Variants in CSNK1G1 observed in about 807,000 individuals in gnomAD.
CSNK1G1 encodes the protein casein kinase 1 gamma 1.
In CSNK1G1, 22 loss-of-function variants were observed where a neutral mutation model predicts 59.6. The ratio of observed to expected loss-of-function variants is 0.37; its 90% CI spans 0.26 to 0.53. The LOEUF (loss-of-function observed/expected upper bound fraction) is 0.53. CSNK1G1 is among the 20% of genes least tolerant of loss of function. CSNK1G1 has a pLI of 0.89. For synonymous variants in CSNK1G1, 179 were observed against 177.1 expected (o/e 1.01, Z -0.08); for missense variants, 384 against 519.5 (o/e 0.74, Z 2.54).
At position 64,325,401 on chromosome 15, in the gene CSNK1G1, G is replaced by A. The variant is rs555644349; in HGVS notation, c.-224-24678C>T. On this transcript the variant is annotated intron_variant, in intron 1 of 11. Transcript: ENST00000303052. ...TAATTGGAGAAGGTATACAGGTGGTGAGCTTGCCTAAAAGACAATGCACAT... is the reference window on the plus strand; with the variant it reads ...TAATTGGAGAAGGTATACAGGTGGTAAGCTTGCCTAAAAGACAATGCACAT... 3.7e-4 allele frequency among the ~76,000 whole-genome samples: 57 copies of A among 152,264 alleles called. 1 individual carries two copies. Among genetic ancestry groups the A allele is most frequent in the African/African-American group, 1.3e-3 (52 of 41,560 alleles).
At chr15:64,254,605 G>T (rs1207915617) in intron 3 of CSNK1G1, among the ~76,000 whole-genome samples, 1 of 152,122 alleles carries the variant, frequency 6.6e-6, no homozygotes, top group Non-Finnish European at 1.5e-5. Flanking sequence ...GCCTGCCTTG[G>T]CCTCCCAAAG....
chr15:64,277,949 T>C (rs1851583057), intron 2 of CSNK1G1, among the ~76,000 whole-genome samples: 1 of 143,848 alleles, frequency 7.0e-6, no homozygotes, highest in African/African-American at 2.6e-5. Flanking sequence ...ATATTAATAT[T>C]GATATAGTTG....
Position 64,225,679 on chromosome 15 carries a change from T to A in CSNK1G1, c.293-8966A>T, listed in dbSNP as rs1314483704. Among the ~76,000 whole-genome samples, 5 of 152,244 alleles carry A rather than the reference T, an allele frequency of 3.3e-5. No individual in the cohort carries two copies. The East Asian group carries it at 9.7e-4, about 29-fold the overall frequency. ...TTCACTCGTGTCGCCCAGGCTGGAG[T>A]GCAATGGCGTGATCTCGGCTCACTG... On this transcript the variant is annotated intron_variant, in intron 4 of 11. Coordinates refer to ENST00000303052, the MANE Select transcript of CSNK1G1 (RefSeq NM_022048.5).
intron 1 of CSNK1G1, among the ~76,000 whole-genome samples, chr15:64,341,910 C>A (rs1897700798): frequency 6.6e-6 from 1 of 152,174 alleles, no homozygotes; most frequent in Non-Finnish European, 1.5e-5. Context: ...ACAAACAAAA[C>A]CTATAAACTC....
chr15:64,215,395 G>T (rs2082299203), intron 5 of CSNK1G1, among the ~76,000 whole-genome samples: 1 of 151,694 alleles, frequency 6.6e-6, no homozygotes, highest in Admixed American at 6.6e-5. Flanking sequence ...TGTATTTTTA[G>T]TAGAGATGGG....
chr15:64,203,566 G>A (rs1054777602), intron 9 of CSNK1G1, among the ~76,000 whole-genome samples: 1 of 151,842 alleles, frequency 6.6e-6, no homozygotes, highest in African/African-American at 2.4e-5. Context: ...GTGTGGCAGC[G>A]CGTGCCTGTG....
chr15:64,187,160 T>A (rs2081907759), intron 10 of CSNK1G1, among the ~76,000 whole-genome samples: 2 of 151,798 alleles, frequency 1.3e-5, no homozygotes, highest in Admixed American at 1.3e-4. Context: ...AGATGAGCTC[T>A]CCCTTTGTTG....
intron 4 of CSNK1G1, among the ~76,000 whole-genome samples, chr15:64,236,142 C>CAAAAAAAAA (rs532663571): frequency 8.8e-5 from 6 of 67,990 alleles, no homozygotes; most frequent in Admixed American, 1.7e-4. Context: ...GACTCCATCT[C>CAAAAAAAAA]AAAAAAAAAA....
intron 10 of CSNK1G1, among the ~76,000 whole-genome samples, chr15:64,193,096 A>G (rs1367457661): frequency 6.6e-6 from 1 of 152,180 alleles, no homozygotes; most frequent in African/African-American, 2.4e-5. Context: ...AAGGTTAGCA[A>G]AGAGAATATA....
intron 7 of CSNK1G1, among the ~76,000 whole-genome samples, chr15:64,205,699 A>C (rs991485945): frequency 1.3e-5 from 2 of 152,236 alleles, no homozygotes; most frequent in Non-Finnish European, 1.5e-5. Context: ...ATTTATGGAC[A>C]ACGAGAGAGT....
chr15:64,172,419 G>C (rs2081684174), intron 11 of CSNK1G1, among the ~76,000 whole-genome samples: 1 of 152,176 alleles, frequency 6.6e-6, no homozygotes, highest in Non-Finnish European at 1.5e-5. Flanking sequence ...AGAGGGCAGG[G>C]AGGCTAAAAT....
intron 10 of CSNK1G1, chr15:64,194,152 G>C (rs931710853): frequency 1.3e-5 from 2 of 152,134 alleles, no homozygotes; most frequent in African/African-American, 4.8e-5. Flanking sequence ...CCATCCTGTG[G>C]CCAGGAGGAG....
Position 64,171,955 on chromosome 15 carries a change from C to G in CSNK1G1, c.1245G>C (p.Lys415Asn). The change falls in exon 12 of 12, where the codon AAG (lysine) becomes AAC (asparagine). Residue 415 changes from lysine to asparagine, a missense_variant. Transcript: ENST00000303052. The surrounding 1 kb of genome is among the most constrained non-coding windows in gnomAD (Gnocchi z 4.8). ...KCCCFFKRKR[K>N]KTAQRHK is the part of the protein sequence containing the mutation. ...GTCACTTGTGGCGCTGAGCAGTCTT[C>G]TTCCTTTTCCTCTTAAAGAAACAGC... The G allele has an allele frequency of 6.2e-7, 1 of 1,614,152 alleles. No homozygotes were observed. Among genetic ancestry groups the G allele is most frequent in the Non-Finnish European group, 8.5e-7 (1 of 1,180,018 alleles).
At chr15:64,346,181 A>ATATAGT (rs1282819115) in intron 1 of CSNK1G1, among the ~76,000 whole-genome samples, 1 of 152,038 alleles carries the variant, frequency 6.6e-6, no homozygotes, top group Non-Finnish European at 1.5e-5. Context: ...CAGGAATTCA[A>ATATAGT]GACCAGACTG....
chr15:64,231,491 T>G (rs898555048), intron 4 of CSNK1G1, among the ~76,000 whole-genome samples: 2 of 150,776 alleles, frequency 1.3e-5, no homozygotes, highest in Non-Finnish European at 3.0e-5. Context: ...GTGCCTATCT[T>G]GTTCACTACT....
intron 1 of CSNK1G1, among the ~76,000 whole-genome samples, chr15:64,318,799 C>A (rs547659381): frequency 2.5e-4 from 38 of 151,868 alleles, no homozygotes; most frequent in African/African-American, 9.2e-4. Flanking sequence ...TTAGTAGAGA[C>A]GAGGTTTCAC....
chr15:64,317,977 G>A (rs1232196057), intron 1 of CSNK1G1, among the ~76,000 whole-genome samples: 1 of 152,102 alleles, frequency 6.6e-6, no homozygotes, highest in East Asian at 1.9e-4. Flanking sequence ...TTAAGCAACT[G>A]CTACATAGCT....
At chr15:64,217,138 T>C (rs909029279) in intron 4 of CSNK1G1, among the ~76,000 whole-genome samples, 27 of 152,364 alleles carry the variant, frequency 1.8e-4, no homozygotes, top group Non-Finnish European at 4.0e-4. Flanking sequence ...CTTACTGCCA[T>C]AGCCACATGG....
At chr15:64,211,745 A>T (rs1381047124) in intron 6 of CSNK1G1, among the ~76,000 whole-genome samples, 1 of 152,336 alleles carries the variant, frequency 6.6e-6, no homozygotes, top group East Asian at 1.9e-4. Context: ...TATTGGATCA[A>T]AATTACATAG....
Sources: allele counts gnomAD v4.1 joint callset (sites outside exome capture counted in the v4.1 genomes callset), GRCh38; gene constraint gnomAD v4.1.1; non-coding constraint Gnocchi (gnomAD v3.1); transcripts MANE v1.5; gene names NCBI Gene and HGNC (gene_info 2026-07-23, HGNC 2026-07-21).